Variants in ARHGAP39 observed in about 807,000 individuals in gnomAD.
The protein encoded by ARHGAP39 is Rho GTPase activating protein 39.
Under a neutral mutation model 106.9 loss-of-function variants are expected in ARHGAP39, and 44 were observed. The ratio of observed to expected loss-of-function variants is 0.41; its 90% confidence interval spans 0.32 to 0.53. ARHGAP39 has a LOEUF of 0.53. ARHGAP39 is among the 20% of genes least tolerant of loss of function. The pLI, the probability that ARHGAP39 is intolerant of heterozygous loss-of-function variation, is 0.21. For missense variants in ARHGAP39, 1,496 were observed against 1,577.3 expected (o/e 0.95, Z 0.87); for synonymous variants, 768 against 693.2 (o/e 1.11, Z -1.69).
chr8:144,657,824 TAGAC>T (rs1415129810), intron 1 of ARHGAP39, among the ~76,000 whole-genome samples: 9 of 152,066 alleles, frequency 5.9e-5, no homozygotes, highest in Admixed American at 3.9e-4. Flanking sequence ...AAATTGAAAA[TAGAC>T]AGAAACTTCC....
intron 1 of ARHGAP39, among the ~76,000 whole-genome samples, chr8:144,659,052 C>G (rs892142928): frequency 6.6e-6 from 1 of 152,058 alleles, no homozygotes; most frequent in Non-Finnish European, 1.5e-5. Context: ...GTCTTTCTGT[C>G]CAATCCTATT....
intron 3 of ARHGAP39, 56 bp downstream of exon 3, chr8:144,580,790 G>T: frequency 6.8e-6 from 1 of 147,274 alleles, no homozygotes; most frequent in Non-Finnish European, 1.0e-5. Flanking sequence ...TGCCTCACCT[G>T]GCCCCGCCCA....
At chr8:144,694,958 A>C in the ARHGAP39 span, among the ~76,000 whole-genome samples, 1 of 151,894 alleles carries the variant, frequency 6.6e-6, no homozygotes, top group Non-Finnish European at 1.5e-5. Context: ...CATGAGTGAG[A>C]AGTGATTGTT....
At chr8:144,599,586 G>T (rs1199530560) in intron 2 of ARHGAP39, among the ~76,000 whole-genome samples, 1 of 152,220 alleles carries the variant, frequency 6.6e-6, no homozygotes, top group African/African-American at 2.4e-5. Context: ...CCTGTGTACG[G>T]TTGGGGCTTT....
At chr8:144,564,732 G>A (rs1022251706) in intron 3 of ARHGAP39, among the ~76,000 whole-genome samples, 21 of 151,722 alleles carry the variant, frequency 1.4e-4, no homozygotes, top group Non-Finnish European at 1.5e-5. Flanking sequence ...TATAATCCTA[G>A]CACTTTGAGA....
At position 144,530,111 on chromosome 8, in the gene ARHGAP39, C is replaced by T. The variant is rs2130809260; in HGVS notation, c.*311G>A. 2 of 358,130 alleles carry T rather than the reference C, an allele frequency of 5.6e-6. No individual in the cohort carries two copies. The highest frequency in any genetic ancestry group is 4.5e-5 in the Admixed American group (1 of 22,412). 22.2% of individuals were successfully genotyped at this position (358,130 alleles called of 1,614,324 possible). A position where few individuals can be genotyped will look rare whatever the true frequency, so the allele number is the denominator to read the frequency against. On this transcript the variant is annotated 3_prime_UTR_variant, in exon 12 of 12. Coordinates refer to ENST00000377307, the MANE Select transcript of ARHGAP39 (RefSeq NM_025251.3). Reference sequence around the variant, plus strand: ...AGGCAGCCCGGCCCCAAGGAGGCAGCGTCGCTCGGCTCCAGGACACAGAAG... The same window carrying T: ...AGGCAGCCCGGCCCCAAGGAGGCAGTGTCGCTCGGCTCCAGGACACAGAAG...
chr8:144,579,579 T>C (rs1818892258), intron 3 of ARHGAP39, among the ~76,000 whole-genome samples: 1 of 151,996 alleles, frequency 6.6e-6, no homozygotes, highest in Admixed American at 6.5e-5. Flanking sequence ...GCAGGCCCCA[T>C]CCCTGGCCTC....
At chr8:144,559,346 T>G (rs1723395378) in intron 3 of ARHGAP39, among the ~76,000 whole-genome samples, 1 of 117,648 alleles carries the variant, frequency 8.5e-6, no homozygotes, top group South Asian at 3.2e-4. Context: ...ACAGAGTGAC[T>G]TTGTCTCCAA....
At chr8:144,623,914 G>A (rs146172907) in intron 1 of ARHGAP39, among the ~76,000 whole-genome samples, 70 of 152,312 alleles carry the variant, frequency 4.6e-4, no homozygotes, top group Middle Eastern at 6.8e-3. Flanking sequence ...CTCTGCGCCC[G>A]CATCCCTCAC....
At chr8:144,612,006 T>G (rs1365413036) in intron 1 of ARHGAP39, among the ~76,000 whole-genome samples, 3 of 139,196 alleles carry the variant, frequency 2.2e-5, no homozygotes, top group Non-Finnish European at 3.1e-5. Flanking sequence ...CAAAACTCCA[T>G]GTAAAAAAAA....
At chr8:144,669,863 A>C (rs1263789501) in intron 1 of ARHGAP39, among the ~76,000 whole-genome samples, 1 of 152,230 alleles carries the variant, frequency 6.6e-6, no homozygotes, top group Non-Finnish European at 1.5e-5. Flanking sequence ...AAGGATGAAC[A>C]ATCACAAGTA....
At chr8:144,611,408 G>C (rs927981279) in intron 1 of ARHGAP39, among the ~76,000 whole-genome samples, 2 of 152,170 alleles carry the variant, frequency 1.3e-5, no homozygotes, top group Non-Finnish European at 2.9e-5. Context: ...ACTAATTTCT[G>C]TTCTACTTGT....
At chr8:144,628,940 G>C (rs1052489987) in intron 1 of ARHGAP39, among the ~76,000 whole-genome samples, 1 of 151,848 alleles carries the variant, frequency 6.6e-6, no homozygotes, top group African/African-American at 2.4e-5. Flanking sequence ...TCACTTTTGC[G>C]CCCGGGAGGA....
the ARHGAP39 span, among the ~76,000 whole-genome samples, chr8:144,698,425 C>A: frequency 6.6e-6 from 1 of 152,176 alleles, no homozygotes; most frequent in Non-Finnish European, 1.5e-5. Flanking sequence ...TAGACTTAGA[C>A]AAGCTTACAG....
chr8:144,654,393 T>C (rs1821646245), intron 1 of ARHGAP39, among the ~76,000 whole-genome samples: 1 of 151,740 alleles, frequency 6.6e-6, no homozygotes, highest in Non-Finnish European at 1.5e-5. Flanking sequence ...GAGTCCCAGT[T>C]ACTCGGGAGC....
intron 1 of ARHGAP39, among the ~76,000 whole-genome samples, chr8:144,685,436 C>T (rs547840348): frequency 2.0e-5 from 3 of 150,472 alleles, no homozygotes; most frequent in Non-Finnish European, 4.4e-5. Flanking sequence ...CGCACCCGGG[C>T]CCCGCGCGGC....
chr8:144,685,156 T>C (rs1327363306), intron 1 of ARHGAP39, among the ~76,000 whole-genome samples: 239 of 76,568 alleles, frequency 3.1e-3, no homozygotes, highest in African/African-American at 4.2e-3. Context: ...CACTCACACC[T>C]CCCTCGGGCA....
intron 1 of ARHGAP39, among the ~76,000 whole-genome samples, chr8:144,640,294 G>A (rs1261937325): frequency 6.6e-6 from 1 of 152,144 alleles, no homozygotes; most frequent in African/African-American, 2.4e-5. Context: ...ATCTCATTTT[G>A]TAGCTCCCAT....
intron 1 of ARHGAP39, among the ~76,000 whole-genome samples, chr8:144,649,852 G>A (rs1402191053): frequency 1.3e-5 from 2 of 152,050 alleles, no homozygotes; most frequent in African/African-American, 4.8e-5. Flanking sequence ...AAACTAGAAA[G>A]CCTAGAAGAG....
Sources: allele counts gnomAD v4.1 joint callset (sites outside exome capture counted in the v4.1 genomes callset), GRCh38; gene constraint gnomAD v4.1.1; transcripts MANE v1.5; gene names NCBI Gene and HGNC (gene_info 2026-07-23, HGNC 2026-07-21).